The following DPP6 variants were observed in gnomAD, a reference collection of about 807,000 sequenced individuals.
DPP6 encodes dipeptidyl peptidase like 6.
A neutral mutation model predicts 122.6 loss-of-function variants in DPP6; 69 were observed. That is an observed-to-expected ratio of 0.56 (90% CI 0.46 to 0.69). The LOEUF is 0.69. DPP6 is among the 30% of genes least tolerant of loss of function. The probability of loss-of-function intolerance (pLI) is 0.00; values close to 1 mark genes in which losing one functional copy is unlikely to be tolerated. For synonymous variants in DPP6, 418 were observed against 433.1 expected (o/e 0.97, Z 0.43); for missense variants, 928 against 1,116.9 (o/e 0.83, Z 2.41).
chr7:153,795,681 A>G, the DPP6 span, among the ~76,000 whole-genome samples: 1 of 152,054 alleles, frequency 6.6e-6, no homozygotes, highest in Non-Finnish European at 1.5e-5. Context: ...GTTTCTTAAG[A>G]TGGAAACCAA....
At position 154,868,358 on chromosome 7, in the gene DPP6, A is replaced by T. The variant is rs61026541; in HGVS notation, c.1813+265A>T. Among the ~76,000 whole-genome samples, 10,844 of 152,240 alleles carry T rather than the reference A, an allele frequency of 0.071. 1,237 individuals carry two copies. The highest frequency in any genetic ancestry group is 0.24 in the African/African-American group (10,005 of 41,498). On this transcript the variant is annotated intron_variant, in intron 18 of 25. Transcript: ENST00000377770. ...CTTCAAAGCAAGACCACAGACTCCA[A>T]CGCTCTCCTTCTTTGGTGACCGTGT...
At chr7:153,791,621 T>C in the DPP6 span, among the ~76,000 whole-genome samples, 2 of 152,120 alleles carry the variant, frequency 1.3e-5, no homozygotes, top group Non-Finnish European at 2.9e-5. Context: ...GGTTTCACCA[T>C]GTTGGTCAGA....
upstream of DPP6, among the ~76,000 whole-genome samples, chr7:153,886,112 T>TACACACACACACACACAC (rs60245538): frequency 5.6e-4 from 79 of 140,410 alleles, no homozygotes; most frequent in African/African-American, 1.4e-3. Flanking sequence ...GGCACGCCCT[T>TACACACACACACACACAC]ACACACACAC....
At chr7:154,425,631 T>A (rs1221860308) in intron 1 of DPP6, among the ~76,000 whole-genome samples, 1 of 131,460 alleles carries the variant, frequency 7.6e-6, no homozygotes, top group African/African-American at 3.3e-5. Flanking sequence ...GGTGTGTGTG[T>A]GTGTGTGTGT....
At chr7:154,337,296 T>C (rs769875892) in intron 1 of DPP6, among the ~76,000 whole-genome samples, 77 of 152,332 alleles carry the variant, frequency 5.1e-4, no homozygotes, top group Non-Finnish European at 2.9e-4. Context: ...CACACACATC[T>C]GCACATGACT....
chr7:153,835,891 G>T, the DPP6 span, among the ~76,000 whole-genome samples: 1 of 152,116 alleles, frequency 6.6e-6, no homozygotes, highest in Non-Finnish European at 1.5e-5. Context: ...CCAGGGGGTG[G>T]AATTATTACG....
At chr7:154,816,263 C>G (rs948906822) in intron 16 of DPP6, among the ~76,000 whole-genome samples, 3 of 152,050 alleles carry the variant, frequency 2.0e-5, no homozygotes, top group African/African-American at 7.3e-5. Flanking sequence ...ATATTATAAA[C>G]AATAAGATAT....
chr7:154,295,648 T>C (rs1805489511), intron 1 of DPP6, among the ~76,000 whole-genome samples: 1 of 151,658 alleles, frequency 6.6e-6, no homozygotes, highest in East Asian at 1.9e-4. Context: ...TTTCCTTATT[T>C]CCCTCATAAT....
At chr7:154,226,743 G>A (rs1180491041) in intron 1 of DPP6, among the ~76,000 whole-genome samples, 3 of 152,170 alleles carry the variant, frequency 2.0e-5, no homozygotes, top group Non-Finnish European at 4.4e-5. Flanking sequence ...GTGGCCATTT[G>A]TAGAGAGGAA....
At chr7:154,209,307 A>G (rs1259913672) in intron 1 of DPP6, among the ~76,000 whole-genome samples, 1 of 152,174 alleles carries the variant, frequency 6.6e-6, no homozygotes, top group African/African-American at 2.4e-5. Flanking sequence ...CTTAAGTCCT[A>G]CATTTACATA....
intron 1 of DPP6, among the ~76,000 whole-genome samples, chr7:154,302,201 C>T (rs937125446): frequency 6.6e-6 from 1 of 152,160 alleles, no homozygotes; most frequent in Non-Finnish European, 1.5e-5. Context: ...CCACCAGTCC[C>T]AGGCAACCAC....
chr7:154,574,988 G>A (rs1415896625), intron 5 of DPP6, among the ~76,000 whole-genome samples: 3 of 143,534 alleles, frequency 2.1e-5, no homozygotes, highest in Non-Finnish European at 4.6e-5. Flanking sequence ...TGCTGTGTGT[G>A]TATATGTGTG....
At chr7:154,217,371 A>C (rs1291038891) in intron 1 of DPP6, among the ~76,000 whole-genome samples, 1 of 152,208 alleles carries the variant, frequency 6.6e-6, no homozygotes, top group East Asian at 1.9e-4. Flanking sequence ...TTTGACCCAC[A>C]TGAAAAGAAT....
At chr7:154,889,717 A>C (rs1360438265) in intron 25 of DPP6, 187 bp downstream of exon 25, 2 of 884,946 alleles carry the variant, frequency 2.3e-6, no homozygotes, top group Non-Finnish European at 3.4e-6. Context: ...AATTAATGAT[A>C]GCTCCGCTCT....
intron 21 of DPP6, among the ~76,000 whole-genome samples, chr7:154,882,096 C>T (rs957436506): frequency 1.7e-4 from 26 of 152,240 alleles, no homozygotes; most frequent in Admixed American, 4.6e-4. Flanking sequence ...CTCCTGAGGG[C>T]TTGGCCTCCT....
intron 1 of DPP6, among the ~76,000 whole-genome samples, chr7:154,164,405 G>A (rs1182795882): frequency 2.0e-5 from 3 of 152,004 alleles, no homozygotes; most frequent in Non-Finnish European, 4.4e-5. Flanking sequence ...AAACATTGTC[G>A]TTGTGTTTGA....
At chr7:154,574,567 AGT>A (rs1412012873) in intron 5 of DPP6, among the ~76,000 whole-genome samples, 2 of 75,458 alleles carry the variant, frequency 2.7e-5, no homozygotes, top group Non-Finnish European at 5.1e-5. Context: ...TATGTGTATA[AGT>A]GTGTGGTGTG....
At chr7:153,926,083 G>T (rs1197977429) in intron 1 of DPP6, among the ~76,000 whole-genome samples, 1 of 152,110 alleles carries the variant, frequency 6.6e-6, no homozygotes, top group African/African-American at 2.4e-5. Context: ...TGAACTCAGA[G>T]ATCTGTTCAT....
Position 154,060,720 on chromosome 7 carries a change from G to C in DPP6, c.243+7657G>C, listed in dbSNP as rs867764864. 7.1e-5 allele frequency among the ~76,000 whole-genome samples: 8 copies of C among 113,414 alleles called. 1 individual carries two copies. Among genetic ancestry groups the C allele is most frequent in the Non-Finnish European group, 1.2e-4 (7 of 56,046 alleles). 74.4% of individuals were successfully genotyped at this position (113,414 alleles called of 152,430 possible). ...GCTGTTAGTACCCCCATCGCAGGGG[G>C]GGAGGCACCCCCCGCGAGGCAGGGA... On this transcript the variant is annotated intron_variant, in intron 1 of 25. Transcript: ENST00000377770.
Sources: gnomAD v4.1 joint callset for allele counts (sites outside exome capture counted in the v4.1 genomes callset) on GRCh38, gnomAD v4.1.1 for gene constraint, MANE v1.5 for transcripts, NCBI Gene and HGNC (gene_info 2026-07-23, HGNC 2026-07-21) for gene names.